BNC2: variants seen among roughly 807,000 people sequenced by gnomAD.
BNC2 encodes the protein basonuclin zinc finger protein 2.
In BNC2, 20 loss-of-function variants were observed where a neutral mutation model predicts 76.3. The observed-to-expected ratio is 0.26, with a 90% CI of 0.18 to 0.38. BNC2 has a LOEUF of 0.38. Among genes scored for constraint, BNC2 ranks in the 10% least tolerant of loss-of-function variants. The pLI is 1.00. For missense variants in BNC2, 1,382 were observed against 1,399.8 expected (o/e 0.99, Z 0.20); for synonymous variants, 582 against 514.8 (o/e 1.13, Z -1.77).
At chr9:16,678,199 G>C (rs141342351) in intron 3 of BNC2, among the ~76,000 whole-genome samples, 168 of 148,080 alleles carry the variant, frequency 1.1e-3, no homozygotes, top group African/African-American at 4.0e-3. Flanking sequence ...AATATTTTTA[G>C]CAAAACAACT....
chr9:16,774,302 T>C (rs918821291), intron 1 of BNC2, among the ~76,000 whole-genome samples: 3 of 152,182 alleles, frequency 2.0e-5, no homozygotes, highest in African/African-American at 4.8e-5. Flanking sequence ...AGTATACTAA[T>C]AAGTACAACT....
intron 4 of BNC2, among the ~76,000 whole-genome samples, chr9:16,563,793 T>G (rs1213299582): frequency 6.6e-6 from 1 of 152,210 alleles, no homozygotes; most frequent in Non-Finnish European, 1.5e-5. Context: ...CATGGATACA[T>G]GAACTAATCT....
In BNC2 at chr9:16,725,288, A is replaced by G. The variant is rs1014322077; in HGVS notation, c.330+2509T>C. On this transcript the variant is annotated intron_variant, in intron 3 of 6. Coordinates refer to ENST00000380672, the MANE Select transcript of BNC2 (RefSeq NM_017637.6). ...CATTGCTGATGAACTACAGGTAAGA[A>G]AAACAAACATATTAAATATGAACAG... Among the ~76,000 whole-genome samples, 5 of 152,164 alleles carry G rather than the reference A, an allele frequency of 3.3e-5. No individual in the cohort carries two copies. In the South Asian group the frequency reaches 6.2e-4, roughly 19 times the overall value.
At chr9:16,861,199 T>TATATATATATATATAA (rs1563975449) in intron 1 of BNC2, among the ~76,000 whole-genome samples, 2 of 147,076 alleles carry the variant, frequency 1.4e-5, no homozygotes, top group African/African-American at 5.2e-5. Context: ...TATATATATA[T>TATATATATATATATAA]ATAAATTAAC....
At chr9:16,685,411 C>A (rs557241561) in intron 3 of BNC2, 28 of 439,392 alleles carry the variant, frequency 6.4e-5, no homozygotes, top group Non-Finnish European at 4.5e-5. Context: ...GCTGCACATA[C>A]GCTACACTGG....
chr9:16,788,507 G>A (rs576426955), intron 1 of BNC2, among the ~76,000 whole-genome samples: 1 of 145,818 alleles, frequency 6.9e-6, no homozygotes, highest in Non-Finnish European at 1.5e-5. Context: ...GAGCCGAGAT[G>A]ACGCCACTGC....
At chr9:16,548,404 C>T (rs1011437904) in intron 5 of BNC2, among the ~76,000 whole-genome samples, 1 of 149,232 alleles carries the variant, frequency 6.7e-6, no homozygotes, top group African/African-American at 2.4e-5. Flanking sequence ...TCTTCTTCTT[C>T]GTTTTTTTTT....
At chr9:16,575,198 G>C (rs544694081) in intron 4 of BNC2, 3 of 926,296 alleles carry the variant, frequency 3.2e-6, no homozygotes, top group African/African-American at 3.6e-5. Context: ...TGACAGAGCC[G>C]CGACGTGAAT....
chr9:16,474,617 A>T (rs1026316734), intron 5 of BNC2, among the ~76,000 whole-genome samples: 5 of 152,192 alleles, frequency 3.3e-5, no homozygotes, highest in Middle Eastern at 3.2e-3. Flanking sequence ...CTGAGAATAA[A>T]GTATCTCTGC....
rs953980548 is a variant in BNC2, at chr9:16,419,086, G to C, written c.3203C>G (p.Pro1068Arg). 6.2e-7 allele frequency: 1 copy of C among 1,614,048 alleles called. No homozygotes were observed. The highest frequency in any genetic ancestry group is 8.5e-7 in the Non-Finnish European group (1 of 1,180,028). Reference protein sequence around the residue: ...HLREMHKCKVPGCNMMFSSVR... With the variant: ...HLREMHKCKVRGCNMMFSSVR... ...AGAGGAAAACATCATATTGCAACCT[G>C]GGACTTTGCACTTGTGCATTTCTCT... is the stretch of plus-strand genomic sequence containing the variant. Residue 1068 changes from proline to arginine, a missense_variant, in exon 7 of 7, where the codon CCA becomes CGA. Pro to Arg is a moderately radical substitution (Grantham distance 103, BLOSUM62 -2). Coordinates refer to ENST00000380672, the MANE Select transcript of BNC2 (RefSeq NM_017637.6).
In BNC2 at chr9:16,508,450, T is replaced by C. The variant is rs1822680688; in HGVS notation, c.669+44080A>G. Among the ~76,000 whole-genome samples, 3 of 152,164 alleles carry C rather than the reference T, an allele frequency of 2.0e-5. No homozygotes were observed. In the South Asian group the frequency reaches 6.2e-4, roughly 32 times the overall value. The stretch of plus-strand genomic sequence containing the variant: ...ACTATTAATGCTCAGTAAAAAAACA[T>C]CATAATTCTTGTTGATTCTCTCCCT... On this transcript the variant is annotated intron_variant, in intron 5 of 6. Transcript: ENST00000380672.
At chr9:16,860,832 C>T (rs974973430) in intron 1 of BNC2, among the ~76,000 whole-genome samples, 5 of 152,058 alleles carry the variant, frequency 3.3e-5, no homozygotes, top group Admixed American at 2.6e-4. Context: ...CACCTGAGGC[C>T]AGGAGTTTAA....
chr9:16,526,361 C>G (rs1396523113), intron 5 of BNC2, among the ~76,000 whole-genome samples: 1 of 151,352 alleles, frequency 6.6e-6, no homozygotes, highest in Non-Finnish European at 1.5e-5. Context: ...CAAATGAAAA[C>G]CAAACCAACA....
chr9:16,734,998 C>G (rs1319422972), intron 2 of BNC2, among the ~76,000 whole-genome samples: 1 of 152,192 alleles, frequency 6.6e-6, no homozygotes, highest in East Asian at 1.9e-4. Flanking sequence ...AATACAGTAT[C>G]TGCTGACAGC....
chr9:16,711,489 G>T (rs1405846782), intron 3 of BNC2, among the ~76,000 whole-genome samples: 1 of 152,182 alleles, frequency 6.6e-6, no homozygotes, highest in African/African-American at 2.4e-5. Context: ...AGTGATTATT[G>T]TTCGAAGATA....
chr9:16,861,943 T>G (rs1212958471), intron 1 of BNC2, among the ~76,000 whole-genome samples: 1 of 151,342 alleles, frequency 6.6e-6, no homozygotes, highest in Non-Finnish European at 1.5e-5. Flanking sequence ...GAGCCGAGAT[T>G]GCACCACTGG....
Position 16,437,142 on chromosome 9 carries a change from C to A in BNC2, c.1052G>T (p.Arg351Met). 1 of 1,614,172 alleles carries A rather than the reference C, an allele frequency of 6.2e-7. No individual in the cohort carries two copies. The highest frequency in any genetic ancestry group is 1.1e-5 in the South Asian group (1 of 91,076). ...AGTTGAAAGGCTGGGTTCCCGCAGCCTCAACCCTGGTTGCTCTAACAGTAG... is the reference window on the plus strand; with the variant it reads ...AGTTGAAAGGCTGGGTTCCCGCAGCATCAACCCTGGTTGCTCTAACAGTAG... ...NGLLLEQPGL[R>M]LREPSLSTQN... is the part of the protein sequence containing the mutation. Residue 351 changes from arginine to methionine, a missense_variant, in exon 6 of 7, where the codon AGG (arginine) becomes ATG (methionine). By Grantham distance (91) the Arg-to-Met change is moderately conservative. Coordinates refer to ENST00000380672, the MANE Select transcript of BNC2 (RefSeq NM_017637.6).
Position 16,419,583 on chromosome 9 carries a change from G to A in BNC2, c.2706C>T (p.Asp902=). The A allele has an allele frequency of 1.2e-6, 2 of 1,606,430 alleles. No individual in the cohort carries two copies. The highest frequency in any genetic ancestry group is 8.5e-7 in the Non-Finnish European group (1 of 1,176,238). The change falls in exon 7 of 7, where the codon GAC becomes GAT. Residue 902 remains aspartate, a synonymous_variant. Coordinates refer to ENST00000380672, the MANE Select transcript of BNC2 (RefSeq NM_017637.6). Reference sequence around the variant, plus strand: ...CCTTGCTAAGGGAGGGCTGCGACGAGTCCAGGCCCATGTCATCGAGTTCTT... The same window carrying A: ...CCTTGCTAAGGGAGGGCTGCGACGAATCCAGGCCCATGTCATCGAGTTCTT... The part of the protein sequence containing the change: ...LTKELDDMGL[D]SSQPSLSKDL...
intron 6 of BNC2, among the ~76,000 whole-genome samples, chr9:16,433,664 G>A (rs1311776671): frequency 2.6e-5 from 4 of 152,124 alleles, no homozygotes; most frequent in African/African-American, 7.2e-5. Context: ...AAGCGCTTGC[G>A]TTTTCTAGGA....
Sources: gnomAD v4.1 joint callset for allele counts (sites outside exome capture counted in the v4.1 genomes callset) on GRCh38, gnomAD v4.1.1 for gene constraint, MANE v1.5 for transcripts, NCBI Gene and HGNC (gene_info 2026-07-23, HGNC 2026-07-21) for gene names.